The following STARD9 variants were observed in gnomAD, a reference collection of about 807,000 sequenced individuals.
The protein encoded by STARD9 is stAR-related lipid transfer protein 9.
Under a neutral mutation model 399.8 loss-of-function variants are expected in STARD9, and 346 were observed. The observed-to-expected ratio is 0.87, with a 90% CI of 0.79 to 0.95. STARD9 has a LOEUF of 0.95. Among genes scored for constraint, STARD9 ranks in the 40% least tolerant of loss-of-function variants. The pLI, the probability that STARD9 is intolerant of heterozygous loss-of-function variation, is 0.00. For missense variants in STARD9, 5,832 were observed against 5,667.5 expected (o/e 1.03, Z -0.93); for synonymous variants, 2,203 against 2,143.5 (o/e 1.03, Z -0.77).
At chr15:42,610,184 G>T (rs774146140) in intron 3 of STARD9, among the ~76,000 whole-genome samples, 1 of 152,198 alleles carries the variant, frequency 6.6e-6, no homozygotes, top group South Asian at 2.1e-4. Context: ...ATTGCTTTAT[G>T]ATAGTCATTT....
intron 26 of STARD9, among the ~76,000 whole-genome samples, chr15:42,709,414 A>G (rs910175175): frequency 6.6e-6 from 1 of 151,758 alleles, no homozygotes; most frequent in African/African-American, 2.4e-5. Context: ...TAGCTGGGCA[A>G]GGTGGCTCAC....
intron 1 of STARD9, among the ~76,000 whole-genome samples, chr15:42,578,303 G>A (rs976274954): frequency 3.3e-5 from 5 of 151,944 alleles, no homozygotes; most frequent in Non-Finnish European, 7.4e-5. Flanking sequence ...TAGAGACGGG[G>A]TTTCACCATG....
chr15:42,666,113 T>A (rs953166124), intron 15 of STARD9, among the ~76,000 whole-genome samples: 1 of 152,240 alleles, frequency 6.6e-6, no homozygotes, highest in African/African-American at 2.4e-5. Context: ...GACTGTTTTC[T>A]TGTCTAAATC....
At chr15:42,663,145 C>T in intron 11 of STARD9, 136 bp from the exon 12 acceptor site, 1 of 891,570 alleles carries the variant, frequency 1.1e-6, no homozygotes. Context: ...TTTAGGAATA[C>T]CTAAAATATC....
chr15:42,650,262 C>CTTTGTTATTTTGGGTG (rs951539780), intron 7 of STARD9, among the ~76,000 whole-genome samples: 2 of 152,056 alleles, frequency 1.3e-5, no homozygotes, highest in Admixed American at 1.3e-4. Context: ...ATTTATGTTA[C>CTTTGTTATTTTGGGTG]TTTGTTATTT....
chr15:42,687,683 GAAAC>G lies in STARD9; in HGVS notation c.6107_6110del (p.Lys2036ArgfsTer14), dbSNP rs756652648. ...ATCCCAACAGAGAACCTTCTGGAAAGAAACAGAATAAAAGAGTTAATAATACTGA... is the reference window on the plus strand; with the variant it reads ...ATCCCAACAGAGAACCTTCTGGAAAGAGAATAAAAGAGTTAATAATACTGA... On this transcript the variant is annotated frameshift_variant, in exon 23 of 33. Coordinates refer to ENST00000290607, the MANE Select transcript of STARD9 (RefSeq NM_020759.3). LOFTEE classifies it high-confidence loss of function. 9.6e-5 allele frequency: 147 copies of G among 1,537,166 alleles called. No homozygotes were observed. The African/African-American group carries it at 1.8e-3, about 19-fold the overall frequency.
intron 2 of STARD9, 144 bp downstream of exon 2, chr15:42,583,559 C>CCAAT: frequency 1.8e-6 from 1 of 562,444 alleles, no homozygotes; most frequent in South Asian, 2.8e-5. Flanking sequence ...GGAGCTTATG[C>CCAAT]CAATCATAAA....
At chr15:42,578,465 C>T (rs1160940971) in intron 1 of STARD9, among the ~76,000 whole-genome samples, 1 of 152,150 alleles carries the variant, frequency 6.6e-6, no homozygotes, top group African/African-American at 2.4e-5. Context: ...CTCTACCTCA[C>T]AGTTTCCCAT....
chr15:42,669,440 G>C (rs1343147083), intron 16 of STARD9, 103 bp downstream of exon 16: 1 of 1,082,914 alleles, frequency 9.2e-7, no homozygotes, highest in East Asian at 2.6e-5. Flanking sequence ...TTGAAATCAA[G>C]ACAGATGCTA....
chr15:42,677,642 C>G (rs2060337749), intron 20 of STARD9, among the ~76,000 whole-genome samples: 1 of 152,192 alleles, frequency 6.6e-6, no homozygotes, highest in South Asian at 2.1e-4. Context: ...TGCATTGCAG[C>G]AGACAAAACC....
At chr15:42,717,329 TAAA>T (rs761847233) in intron 28 of STARD9, among the ~76,000 whole-genome samples, 3 of 151,062 alleles carry the variant, frequency 2.0e-5, no homozygotes, top group Non-Finnish European at 3.0e-5. Flanking sequence ...TACAAAAAAA[TAAA>T]AAACATTAGG....
intron 9 of STARD9, among the ~76,000 whole-genome samples, chr15:42,656,246 C>T (rs1049991038): frequency 7.2e-6 from 1 of 139,344 alleles, no homozygotes; most frequent in Non-Finnish European, 1.5e-5. Context: ...ACTCACGAGG[C>T]TGAAGCTGGA....
At chr15:42,634,546 T>C (rs2059385744) in intron 3 of STARD9, among the ~76,000 whole-genome samples, 1 of 152,226 alleles carries the variant, frequency 6.6e-6, no homozygotes, top group Non-Finnish European at 1.5e-5. Context: ...AGAATTATTT[T>C]GCTTGCATAT....
chr15:42,695,436 G>GT (rs2060822016), intron 25 of STARD9, 113 bp downstream of exon 25: 2 of 1,045,760 alleles, frequency 1.9e-6, no homozygotes, highest in Non-Finnish European at 2.7e-6. Flanking sequence ...GGAGGAGGCT[G>GT]TGGGACCCCT....
At chr15:42,621,862 C>T (rs1475962454) in intron 3 of STARD9, among the ~76,000 whole-genome samples, 1 of 152,146 alleles carries the variant, frequency 6.6e-6, no homozygotes, top group African/African-American at 2.4e-5. Context: ...TAGATGTGAT[C>T]ATTTCTGTTG....
chr15:42,652,321 A>G (rs1020113074), intron 8 of STARD9, among the ~76,000 whole-genome samples, 199 bp from the exon 9 acceptor site: 6 of 151,392 alleles, frequency 4.0e-5, no homozygotes, highest in African/African-American at 1.5e-4. Context: ...ACTCCGTTTT[A>G]TGCTCAGATA....
rs2060612235 is a variant in STARD9, at chr15:42,688,393, A to T, written c.6815A>T (p.Gln2272Leu). 6.5e-7 allele frequency: 1 copy of T among 1,536,862 alleles called. No homozygotes were observed. The highest frequency in any genetic ancestry group is 8.7e-7 in the Non-Finnish European group (1 of 1,146,480). Residue 2272 changes from glutamine (Q) to leucine (L), a missense_variant, in exon 23 of 33, where the codon CAA (glutamine) becomes CTA (leucine). Physicochemically the swap from Gln to Leu is moderately radical, Grantham distance 113. This residue lies in a region of STARD9 where 5,828 missense variants were observed against 5,651.1 expected (regional missense o/e 1.03). Coordinates refer to ENST00000290607, the MANE Select transcript of STARD9 (RefSeq NM_020759.3). The stretch of plus-strand genomic sequence containing the variant: ...TCCAACCAAGAAGAGCCAAAAGCTC[A>T]AGGTAAAGTTGAAGAAATGCCTATG... The part of the protein sequence containing the change: ...SSSNQEEPKA[Q>L]GKVEEMPMQR...
chr15:42,633,647 T>C (rs1297338885), intron 3 of STARD9, among the ~76,000 whole-genome samples: 1 of 142,592 alleles, frequency 7.0e-6, no homozygotes, highest in African/African-American at 2.6e-5. Context: ...TCTTTCTTTC[T>C]TTTTTTTTTT....
chr15:42,638,292 A>G (rs2059457927), intron 6 of STARD9: 4 of 606,644 alleles, frequency 6.6e-6, no homozygotes, highest in Admixed American at 2.9e-5. Flanking sequence ...AGACTTAACA[A>G]GCAGGTCTTT....
Sources: allele counts gnomAD v4.1 joint callset (sites outside exome capture counted in the v4.1 genomes callset), GRCh38; gene constraint gnomAD v4.1.1; regional missense constraint gnomAD v4.1.1; transcripts MANE v1.5; gene names NCBI Gene and HGNC (gene_info 2026-07-23, HGNC 2026-07-21).